Variants in ADD3 observed in about 807,000 individuals in gnomAD.
The protein encoded by ADD3 is gamma-adducin.
ADD3 carries 25 observed loss-of-function variants against 80.2 expected under a neutral mutation model. That is an observed-to-expected ratio of 0.31 (90% CI 0.23 to 0.44). ADD3 has a LOEUF of 0.44. Among genes scored for constraint, ADD3 ranks in the 20% least tolerant of loss-of-function variants. The pLI is 1.00. For synonymous variants in ADD3, 284 were observed against 289.6 expected, an observed-to-expected ratio of 0.98 and a Z score of 0.20; for missense variants, 829 against 847.5, an observed-to-expected ratio of 0.98 and a Z score of 0.27.
At chr10:110,072,488 G>T (rs1425243201) in intron 1 of ADD3, among the ~76,000 whole-genome samples, 1 of 152,196 alleles carries the variant, frequency 6.6e-6, no homozygotes, top group Non-Finnish European at 1.5e-5. Context: ...TTAGTGTAAG[G>T]AGTGCTATGT....
chr10:110,066,955 G>T (rs1012230458), intron 1 of ADD3, among the ~76,000 whole-genome samples: 5 of 152,104 alleles, frequency 3.3e-5, no homozygotes, highest in African/African-American at 1.2e-4. Flanking sequence ...TTACAAACTG[G>T]TAAGCCAAAA....
rs943332255 is a variant in ADD3 at position 110,041,990 on chromosome 10, C to T, written c.-30+33691C>T. On this transcript the variant is annotated intron_variant, in intron 1 of 14. Transcript: ENST00000356080. Reference sequence around the variant, plus strand: ...AAATAAAATATTCTAAAGTTGGTAGCGTCTCTTGGGATCCGTGACCCTGTA... The same window carrying T: ...AAATAAAATATTCTAAAGTTGGTAGTGTCTCTTGGGATCCGTGACCCTGTA... Among the ~76,000 whole-genome samples the T allele has an allele frequency of 3.9e-5, 6 of 152,200 alleles. No homozygotes were observed. In the East Asian group the frequency reaches 9.7e-4, roughly 24 times the overall value.
chr10:110,120,234 C>T (rs1409647460), intron 8 of ADD3, among the ~76,000 whole-genome samples: 1 of 112,646 alleles, frequency 8.9e-6, no homozygotes, highest in Admixed American at 1.0e-4. Flanking sequence ...CTCCCCCCAC[C>T]CCACCACAGT....
At chr10:110,018,783 A>G (rs1853303505) in intron 1 of ADD3, among the ~76,000 whole-genome samples, 1 of 152,222 alleles carries the variant, frequency 6.6e-6, no homozygotes, top group Non-Finnish European at 1.5e-5. Flanking sequence ...TATTTGTAGC[A>G]GTGCCAAGGA....
At chr10:110,128,726 A>G (rs1045119341) in intron 12 of ADD3, among the ~76,000 whole-genome samples, 8 of 152,008 alleles carry the variant, frequency 5.3e-5, no homozygotes, top group Non-Finnish European at 8.8e-5. Context: ...CAACTTTTTT[A>G]TTTTTAATAA....
intron 2 of ADD3, among the ~76,000 whole-genome samples, chr10:110,111,741 C>G (rs1564998269): frequency 6.6e-6 from 1 of 152,064 alleles, no homozygotes; most frequent in Non-Finnish European, 1.5e-5. Context: ...CATAGAGAAA[C>G]CCTGTCTCTA....
At chr10:110,071,289 A>C (rs1004528230) in intron 1 of ADD3, among the ~76,000 whole-genome samples, 2 of 152,168 alleles carry the variant, frequency 1.3e-5, no homozygotes, top group Admixed American at 6.5e-5. Context: ...ATTGCAGGGG[A>C]GAGGGTTTCA....
intron 1 of ADD3, among the ~76,000 whole-genome samples, chr10:110,095,991 G>A (rs919134546): frequency 3.9e-5 from 6 of 152,220 alleles, no homozygotes; most frequent in South Asian, 2.1e-4. Flanking sequence ...GGCAGCATGC[G>A]GAGTACTTCT....
intron 1 of ADD3, among the ~76,000 whole-genome samples, chr10:110,000,503 C>T (rs1851464848): frequency 6.6e-6 from 1 of 152,182 alleles, no homozygotes; most frequent in Non-Finnish European, 1.5e-5. Flanking sequence ...TACTATGTGC[C>T]ATGCTCTGTT....
At chr10:110,097,662 T>C (rs1848327024) in intron 1 of ADD3, among the ~76,000 whole-genome samples, 1 of 152,210 alleles carries the variant, frequency 6.6e-6, no homozygotes, top group Admixed American at 6.5e-5. Flanking sequence ...TGATGTCCTT[T>C]TCCTGGTCTA....
At chr10:110,003,141 C>T (rs982881928), upstream of ADD3, among the ~76,000 whole-genome samples, 8 of 151,880 alleles carry the variant, frequency 5.3e-5, no homozygotes, top group Non-Finnish European at 1.2e-4. Context: ...ATTAAGTTTA[C>T]TTTTCTGTCT....
intron 1 of ADD3, among the ~76,000 whole-genome samples, chr10:110,099,191 C>T (rs1291573745): frequency 6.7e-6 from 1 of 149,816 alleles, no homozygotes; most frequent in Non-Finnish European, 1.5e-5. Context: ...AATCTCCCAA[C>T]ATGCTGGGAT....
At chr10:110,125,275 A>G (rs1413173360) in intron 10 of ADD3, among the ~76,000 whole-genome samples, 1 of 152,238 alleles carries the variant, frequency 6.6e-6, no homozygotes, top group African/African-American at 2.4e-5. Flanking sequence ...GTAAATGAGA[A>G]GAATTATGTA....
intron 1 of ADD3, among the ~76,000 whole-genome samples, chr10:110,025,864 C>G (rs1281069981): frequency 6.6e-6 from 1 of 152,116 alleles, no homozygotes; most frequent in Non-Finnish European, 1.5e-5. Context: ...GGATGAGAGA[C>G]CCCAATCTCT....
At chr10:110,055,600 G>C (rs929225039) in intron 1 of ADD3, among the ~76,000 whole-genome samples, 1 of 152,004 alleles carries the variant, frequency 6.6e-6, no homozygotes, top group African/African-American at 2.4e-5. Flanking sequence ...AAGTATAAGT[G>C]AGTAACTATG....
At chr10:110,042,044 C>G (rs532639452) in intron 1 of ADD3, among the ~76,000 whole-genome samples, 3 of 152,120 alleles carry the variant, frequency 2.0e-5, no homozygotes, top group Non-Finnish European at 4.4e-5. Flanking sequence ...AGATAAAAAT[C>G]CCCTTCTGGA....
rs188127831 is a variant in ADD3 at position 110,098,715 on chromosome 10, C to T, written c.-29-1910C>T. On this transcript the variant is annotated intron_variant, in intron 1 of 14. Transcript: ENST00000356080. Reference sequence around the variant, plus strand: ...CGTGATCTCAGCTCACTGCAACCTCCGCCTCCCAGGTTCAAGCAATTTTCC... The same window carrying T: ...CGTGATCTCAGCTCACTGCAACCTCTGCCTCCCAGGTTCAAGCAATTTTCC... Among the ~76,000 whole-genome samples, 215 of 152,080 alleles carry T rather than the reference C, an allele frequency of 1.4e-3. 2 individuals are homozygous for T. Among genetic ancestry groups the T allele is most frequent in the Non-Finnish European group, 5.3e-4 (36 of 67,980 alleles).
chr10:110,124,155 A>G lies in ADD3; in HGVS notation c.1282A>G (p.Met428Val), dbSNP rs779655273. 6.2e-6 allele frequency: 10 copies of G among 1,614,194 alleles called. No individual in the cohort carries two copies. In the East Asian group the frequency reaches 8.9e-5, roughly 14 times the overall value. ...DTVPLSPLKY[M>V]AQRQQREKTR... Reference sequence around the variant, plus strand: ...AGTGCCACTCTCTCCTCTCAAATACATGGCACAGAGGCAACAGCGTGAAAA... The same window carrying G: ...AGTGCCACTCTCTCCTCTCAAATACGTGGCACAGAGGCAACAGCGTGAAAA... Residue 428 changes from methionine to valine, a missense_variant, in exon 10 of 15, where the codon ATG (methionine) becomes GTG (valine). Coordinates refer to ENST00000356080, the MANE Select transcript of ADD3 (RefSeq NM_016824.5).
chr10:110,117,852 A>T (rs1850949746), intron 5 of ADD3, among the ~76,000 whole-genome samples: 1 of 152,146 alleles, frequency 6.6e-6, no homozygotes, highest in East Asian at 1.9e-4. Context: ...CATCTCTACT[A>T]AAGATAACAA....
Sources: allele counts gnomAD v4.1 joint callset (sites outside exome capture counted in the v4.1 genomes callset), GRCh38; gene constraint gnomAD v4.1.1; transcripts MANE v1.5; gene names NCBI Gene and HGNC (gene_info 2026-07-23, HGNC 2026-07-21).